The following MEI4 variants were observed in gnomAD, a reference collection of about 807,000 sequenced individuals.
MEI4 encodes the protein meiosis-specific protein MEI4.
Under a neutral mutation model 31.4 loss-of-function variants are expected in MEI4, and 27 were observed. That is an observed-to-expected ratio of 0.86 (90% CI 0.63 to 1.19). MEI4 has a LOEUF of 1.19. Among genes scored for constraint, MEI4 ranks in the 50% most tolerant of loss-of-function variants. MEI4 has a pLI of 0.00. For synonymous variants in MEI4, 122 were observed against 145.4 expected (o/e 0.84, Z 1.16); for missense variants, 329 against 398.9 (o/e 0.82, Z 1.49).
chr6:77,741,694 G>C (rs1421107052), intron 2 of MEI4, among the ~76,000 whole-genome samples: 2 of 151,486 alleles, frequency 1.3e-5, no homozygotes, highest in African/African-American at 4.9e-5. Flanking sequence ...ATGTACACAT[G>C]TGCCATGCTG....
chr6:77,728,206 A>G (rs368645583), intron 2 of MEI4, among the ~76,000 whole-genome samples: 67 of 152,344 alleles, frequency 4.4e-4, no homozygotes, highest in East Asian at 2.7e-3. Flanking sequence ...CAATACAATA[A>G]TGAAGATGTT....
chr6:77,879,838 G>A (rs1005223005), intron 4 of MEI4, among the ~76,000 whole-genome samples: 4 of 152,112 alleles, frequency 2.6e-5, no homozygotes, highest in Non-Finnish European at 5.9e-5. Context: ...AGTATTTGGG[G>A]CTTCACATTC....
At chr6:77,789,586 T>A (rs1321829538) in intron 3 of MEI4, among the ~76,000 whole-genome samples, 1 of 151,984 alleles carries the variant, frequency 6.6e-6, no homozygotes, top group Non-Finnish European at 1.5e-5. Context: ...CATCAAAAAG[T>A]GGGTGAAGGA....
intron 4 of MEI4, among the ~76,000 whole-genome samples, chr6:77,898,173 C>G (rs543967620): frequency 2.0e-5 from 3 of 151,940 alleles, no homozygotes; most frequent in African/African-American, 7.2e-5. Context: ...GGTGCTTTCT[C>G]CTATGCTTCA....
chr6:77,688,254 A>G (rs113409166), intron 1 of MEI4, among the ~76,000 whole-genome samples: 12 of 152,104 alleles, frequency 7.9e-5, no homozygotes, highest in Non-Finnish European at 1.5e-5. Context: ...ATTTACACAC[A>G]CAAACATGAG....
chr6:77,682,131 G>A (rs1444801620), intron 1 of MEI4, among the ~76,000 whole-genome samples: 2 of 152,140 alleles, frequency 1.3e-5, no homozygotes, highest in Admixed American at 6.5e-5. Context: ...AGCATTGCCA[G>A]CTCTGCTTCA....
chr6:77,709,702 A>G (rs916513670), intron 2 of MEI4, among the ~76,000 whole-genome samples: 1 of 152,164 alleles, frequency 6.6e-6, no homozygotes, highest in African/African-American at 2.4e-5. Context: ...GAATTAGTAT[A>G]ATTCATTTCT....
chr6:77,824,687 C>G (rs759886688), intron 3 of MEI4, among the ~76,000 whole-genome samples: 5 of 151,190 alleles, frequency 3.3e-5, no homozygotes, highest in African/African-American at 4.9e-5. Context: ...TGACTTTGGA[C>G]TCTACCCCTT....
At chr6:77,737,712 G>T (rs558226285) in intron 2 of MEI4, among the ~76,000 whole-genome samples, 2 of 152,266 alleles carry the variant, frequency 1.3e-5, no homozygotes, top group South Asian at 4.2e-4. Flanking sequence ...AAGGTTTAAT[G>T]CAAAGCCCCC....
chr6:77,845,895 T>C lies in MEI4; in HGVS notation c.900+16833T>C, dbSNP rs868018704. Among the ~76,000 whole-genome samples, 212 of 151,678 alleles carry C rather than the reference T, an allele frequency of 1.4e-3. 1 individual carries two copies. Among genetic ancestry groups the C allele is most frequent in the African/African-American group, 4.5e-3 (186 of 41,228 alleles). On this transcript the variant is annotated intron_variant, in intron 4 of 4. Transcript: ENST00000684080. ...AAAACAGAAGTCTTGTTTTTTTTTT[T>C]TTTCTTTTAAGCTGAAGAAACATTT...
chr6:77,880,107 A>G (rs1771442580), intron 4 of MEI4, among the ~76,000 whole-genome samples: 1 of 152,208 alleles, frequency 6.6e-6, no homozygotes, highest in African/African-American at 2.4e-5. Context: ...TTTCCACCAC[A>G]TAACTTAATG....
At chr6:77,693,185 C>G (rs998113296) in intron 2 of MEI4, among the ~76,000 whole-genome samples, 20 of 152,052 alleles carry the variant, frequency 1.3e-4, no homozygotes, top group Admixed American at 1.2e-3. Context: ...CAATTTACAG[C>G]CACATTTTAG....
chr6:77,728,710 C>T (rs193024129), intron 2 of MEI4, among the ~76,000 whole-genome samples: 1 of 152,184 alleles, frequency 6.6e-6, no homozygotes, highest in Admixed American at 6.5e-5. Flanking sequence ...TGGAGCCATC[C>T]AGATTGGTTT....
At chr6:77,787,550 A>G (rs1768775932) in intron 3 of MEI4, among the ~76,000 whole-genome samples, 1 of 152,144 alleles carries the variant, frequency 6.6e-6, no homozygotes, top group Non-Finnish European at 1.5e-5. Flanking sequence ...GGGATCCAAC[A>G]AGAGAAAGCT....
intron 3 of MEI4, among the ~76,000 whole-genome samples, chr6:77,800,301 G>A (rs566921295): frequency 1.1e-4 from 17 of 152,024 alleles, no homozygotes; most frequent in Non-Finnish European, 2.1e-4. Flanking sequence ...CTGTTTGTCT[G>A]TTCTTGGTGT....
intron 4 of MEI4, among the ~76,000 whole-genome samples, chr6:77,873,992 A>G (rs1425808478): frequency 2.6e-5 from 4 of 152,082 alleles, no homozygotes; most frequent in East Asian, 1.9e-4. Context: ...GTACCATGCT[A>G]TTTTGGTTAC....
chr6:77,746,160 C>T (rs1401980060), intron 2 of MEI4, among the ~76,000 whole-genome samples: 1 of 152,044 alleles, frequency 6.6e-6, no homozygotes, highest in African/African-American at 2.4e-5. Context: ...AAAAACCCTT[C>T]AAAAAAACTA....
At chr6:77,908,523 C>T (rs2127737750) in intron 4 of MEI4, among the ~76,000 whole-genome samples, 1 of 152,112 alleles carries the variant, frequency 6.6e-6, no homozygotes, top group Non-Finnish European at 1.5e-5. Context: ...GTTTTCGTAC[C>T]AGTATCATGC....
At chr6:77,750,448 A>G (rs1343153650) in intron 2 of MEI4, among the ~76,000 whole-genome samples, 1 of 152,206 alleles carries the variant, frequency 6.6e-6, no homozygotes, top group Non-Finnish European at 1.5e-5. Context: ...AATGGAAACC[A>G]AAGAAAGCAG....
Sources: allele counts gnomAD v4.1 joint callset (sites outside exome capture counted in the v4.1 genomes callset), GRCh38; gene constraint gnomAD v4.1.1; transcripts MANE v1.5; gene names NCBI Gene and HGNC (gene_info 2026-07-23, HGNC 2026-07-21).